Variants in BMPER observed in about 807,000 individuals in gnomAD.
The protein encoded by BMPER is BMP binding endothelial regulator, also known as BMP-binding endothelial regulator protein.
Under a neutral mutation model 87.3 loss-of-function variants are expected in BMPER, and 45 were observed. The observed-to-expected ratio is 0.52, with a 90% CI of 0.41 to 0.66. BMPER has a LOEUF of 0.66. Ranked by LOEUF, BMPER falls within the 30% of genes least tolerant of loss-of-function variation. The pLI, the probability that BMPER is intolerant of heterozygous loss-of-function variation, is 0.00. For synonymous variants in BMPER, 326 were observed against 316.2 expected, an observed-to-expected ratio of 1.03 and a Z score of -0.33; for missense variants, 784 against 867.5, an observed-to-expected ratio of 0.90 and a Z score of 1.21.
Position 34,002,838 on chromosome 7 carries a change from T to C in BMPER, c.576+28054T>C, listed in dbSNP as rs547622046. Among the ~76,000 whole-genome samples, 53 of 151,930 alleles carry C rather than the reference T, an allele frequency of 3.5e-4. 1 individual carries two copies. The highest frequency in any genetic ancestry group is 1.3e-3 in the African/African-American group (52 of 41,532). On this transcript the variant is annotated intron_variant, in intron 6 of 14. Coordinates refer to ENST00000649409, the MANE Select transcript of BMPER (RefSeq NM_001365308.1). ...ATAGTATAGTCCCTACTGCTCTCTTTCAGTTACTTTGCATAGTATATCTTT... is the reference window on the plus strand; with the variant it reads ...ATAGTATAGTCCCTACTGCTCTCTTCCAGTTACTTTGCATAGTATATCTTT...
At chr7:34,115,182 A>G (rs1378681608) in intron 13 of BMPER, among the ~76,000 whole-genome samples, 2 of 152,220 alleles carry the variant, frequency 1.3e-5, no homozygotes, top group Non-Finnish European at 2.9e-5. Flanking sequence ...TTAAATGTGT[A>G]CAAAAATGAC....
intron 7 of BMPER, among the ~76,000 whole-genome samples, chr7:34,051,022 G>T (rs1184045338): frequency 6.6e-6 from 1 of 152,152 alleles, no homozygotes; most frequent in East Asian, 1.9e-4. Context: ...GTAAACAACA[G>T]AAATTTATTT....
chr7:34,132,349 C>G (rs556392408), intron 13 of BMPER, among the ~76,000 whole-genome samples: 1 of 152,042 alleles, frequency 6.6e-6, no homozygotes, highest in African/African-American at 2.4e-5. Context: ...CACCACACCC[C>G]AAAGGCCCCA....
At chr7:34,111,287 A>G (rs1486726569) in intron 13 of BMPER, among the ~76,000 whole-genome samples, 1 of 152,214 alleles carries the variant, frequency 6.6e-6, no homozygotes, top group African/African-American at 2.4e-5. Context: ...GGTGAGCTGT[A>G]CCTAAGGTTT....
intron 12 of BMPER, 93 bp from the exon 13 acceptor site, chr7:34,085,659 ACAGT>A: frequency 8.6e-7 from 1 of 1,169,158 alleles, no homozygotes; most frequent in Non-Finnish European, 1.3e-6. Flanking sequence ...TTATTGGAGG[ACAGT>A]CAGTCATATG....
intron 6 of BMPER, among the ~76,000 whole-genome samples, chr7:33,987,973 G>C (rs1039027847): frequency 6.6e-6 from 1 of 152,090 alleles, no homozygotes; most frequent in Non-Finnish European, 1.5e-5. Context: ...GTTAACAAAA[G>C]CAGTTACTCA....
intron 14 of BMPER, 42 bp from the exon 15 acceptor site, chr7:34,153,050 G>GC: frequency 6.2e-7 from 1 of 1,610,138 alleles, no homozygotes; most frequent in Middle Eastern, 1.7e-4. Flanking sequence ...AATTAATGGG[G>GC]CCTTTCTCCA....
chr7:34,136,653 A>T (rs1375103230), intron 13 of BMPER, among the ~76,000 whole-genome samples: 1 of 152,198 alleles, frequency 6.6e-6, no homozygotes, highest in Non-Finnish European at 1.5e-5. Flanking sequence ...TGGAACAAGG[A>T]AAGCCATATG....
At chr7:34,124,284 T>C (rs894576978) in intron 13 of BMPER, among the ~76,000 whole-genome samples, 6 of 152,192 alleles carry the variant, frequency 3.9e-5, no homozygotes, top group Non-Finnish European at 8.8e-5. Flanking sequence ...ATTTTGAAAA[T>C]TAATTTTCTT....
At chr7:34,031,788 A>G (rs1787522266) in intron 6 of BMPER, among the ~76,000 whole-genome samples, 1 of 150,806 alleles carries the variant, frequency 6.6e-6, no homozygotes, top group Non-Finnish European at 1.5e-5. Flanking sequence ...AGCATTGTTT[A>G]GAGATAAAAT....
intron 11 of BMPER, among the ~76,000 whole-genome samples, chr7:34,074,129 A>G (rs1420581772): frequency 1.3e-5 from 2 of 152,268 alleles, no homozygotes; most frequent in African/African-American, 4.8e-5. Context: ...AATTCATAAC[A>G]TTTAACAATG....
chr7:34,082,330 T>G (rs1400551474), intron 12 of BMPER, among the ~76,000 whole-genome samples: 1 of 143,508 alleles, frequency 7.0e-6, no homozygotes, highest in East Asian at 2.0e-4. Flanking sequence ...ACTTATTAGT[T>G]TTTTTTTTTT....
chr7:33,952,469 T>TAAAGTG (rs1437867256), intron 3 of BMPER, among the ~76,000 whole-genome samples: 19 of 152,182 alleles, frequency 1.2e-4, no homozygotes, highest in Non-Finnish European at 2.6e-4. Context: ...GCTGAGAGAA[T>TAAAGTG]AAAGTGAGGT....
At chr7:34,067,925 A>G (rs556478739) in intron 11 of BMPER, among the ~76,000 whole-genome samples, 1 of 152,348 alleles carries the variant, frequency 6.6e-6, no homozygotes, top group South Asian at 2.1e-4. Context: ...ATTAGGAATC[A>G]CCTTTTCTCT....
At chr7:34,140,659 T>C (rs1388624228) in intron 13 of BMPER, among the ~76,000 whole-genome samples, 1 of 151,374 alleles carries the variant, frequency 6.6e-6, no homozygotes, top group African/African-American at 2.4e-5. Flanking sequence ...GTCTCAATGA[T>C]TGGATTTAGC....
At chr7:34,081,784 T>G (rs1009467171) in intron 12 of BMPER, among the ~76,000 whole-genome samples, 4 of 152,216 alleles carry the variant, frequency 2.6e-5, no homozygotes, top group African/African-American at 9.6e-5. Context: ...GAATACATCC[T>G]ACCTTCCCCT....
rs1289157046 is a variant in BMPER at position 33,991,583 on chromosome 7, A to C, written c.576+16799A>C. ...AAAAAACCAGCTCCTGGATTCATTA[A>C]TTTTTTGAAGGGTTTTTTGTGTCTG... On this transcript the variant is annotated intron_variant, in intron 6 of 14. Transcript: ENST00000649409. Among the ~76,000 whole-genome samples, 10 of 152,186 alleles carry C rather than the reference A, an allele frequency of 6.6e-5. No individual in the cohort carries two copies. In the East Asian group the frequency reaches 1.9e-3, roughly 29 times the overall value.
chr7:34,107,334 CA>C (rs1789844376), intron 13 of BMPER, among the ~76,000 whole-genome samples: 1 of 152,222 alleles, frequency 6.6e-6, no homozygotes, highest in Admixed American at 6.5e-5. Flanking sequence ...ATCTTAATCT[CA>C]ATTGGGAGAT....
At chr7:33,982,801 A>G (rs1305956796) in intron 6 of BMPER, among the ~76,000 whole-genome samples, 1 of 152,234 alleles carries the variant, frequency 6.6e-6, no homozygotes, top group Non-Finnish European at 1.5e-5. Flanking sequence ...TGACCTGTTT[A>G]TAAGGCAAAG....
Sources: allele counts gnomAD v4.1 joint callset (sites outside exome capture counted in the v4.1 genomes callset), GRCh38; gene constraint gnomAD v4.1.1; transcripts MANE v1.5; gene names NCBI Gene and HGNC (gene_info 2026-07-23, HGNC 2026-07-21).